Variants in FAT3 observed in about 807,000 individuals in gnomAD.
FAT3 encodes protocadherin Fat 3.
FAT3 carries 95 observed loss-of-function variants against 310.2 expected under a neutral mutation model. The observed-to-expected ratio is 0.31, with a 90% CI of 0.26 to 0.36. FAT3 has a LOEUF of 0.36. Ranked by LOEUF, FAT3 falls within the 10% of genes least tolerant of loss-of-function variation. FAT3 has a pLI of 1.00. For missense variants in FAT3, 5,408 were observed against 5,715.6 expected (o/e 0.95, Z 1.74); for synonymous variants, 2,314 against 2,192.9 (o/e 1.06, Z -1.54).
intron 3 of FAT3, among the ~76,000 whole-genome samples, chr11:92,656,985 G>C (rs965308194): frequency 6.6e-6 from 1 of 152,146 alleles, no homozygotes; most frequent in Non-Finnish European, 1.5e-5. Context: ...GGGGTAAGGT[G>C]GGGTGGGGAG....
intron 3 of FAT3, among the ~76,000 whole-genome samples, chr11:92,638,449 C>G (rs936295240): frequency 6.6e-6 from 1 of 152,138 alleles, no homozygotes; most frequent in Non-Finnish European, 1.5e-5. Flanking sequence ...CTCTCTTATT[C>G]TTTATTTACC....
chr11:92,788,359 T>C (rs533763114), intron 7 of FAT3, among the ~76,000 whole-genome samples: 2 of 152,224 alleles, frequency 1.3e-5, no homozygotes, highest in Non-Finnish European at 1.5e-5. Context: ...GAGTACCTCA[T>C]TGGTCACTTT....
intron 1 of FAT3, among the ~76,000 whole-genome samples, chr11:92,266,452 A>G (rs933106445): frequency 5.3e-5 from 8 of 152,196 alleles, no homozygotes; most frequent in Non-Finnish European, 1.0e-4. Context: ...GCCTCAGTTG[A>G]TAGGTACTTT....
intron 3 of FAT3, among the ~76,000 whole-genome samples, chr11:92,625,562 C>T (rs1941292061): frequency 6.6e-6 from 1 of 152,124 alleles, no homozygotes. Context: ...ACCGATGGCC[C>T]AGAGAGCAAA....
intron 3 of FAT3, among the ~76,000 whole-genome samples, chr11:92,623,085 C>T (rs1195202764): frequency 6.6e-6 from 1 of 150,630 alleles, no homozygotes; most frequent in East Asian, 1.9e-4. Context: ...AAATCCTTGG[C>T]GTTCATCTCT....
chr11:92,626,483 T>A (rs1792340), intron 3 of FAT3, among the ~76,000 whole-genome samples: 2 of 151,898 alleles, frequency 1.3e-5, no homozygotes, highest in Non-Finnish European at 2.9e-5. Flanking sequence ...TTTTTTTTTT[T>A]TCCCTTCAAA....
At chr11:92,608,525 C>A (rs565000646) in intron 3 of FAT3, among the ~76,000 whole-genome samples, 1 of 151,934 alleles carries the variant, frequency 6.6e-6, no homozygotes, top group Non-Finnish European at 1.5e-5. Flanking sequence ...GTTTCTTCTT[C>A]TTGCATCATG....
chr11:92,711,007 T>C (rs913395302), intron 4 of FAT3, among the ~76,000 whole-genome samples: 1 of 152,210 alleles, frequency 6.6e-6, no homozygotes, highest in East Asian at 1.9e-4. Flanking sequence ...ACTATGATCA[T>C]ATATGATACA....
intron 3 of FAT3, among the ~76,000 whole-genome samples, chr11:92,650,369 C>T (rs1942330985): frequency 6.6e-6 from 1 of 152,166 alleles, no homozygotes; most frequent in African/African-American, 2.4e-5. Flanking sequence ...TATTCACAGC[C>T]TCGCTACATA....
chr11:92,306,924 G>A (rs1296315669), intron 1 of FAT3, among the ~76,000 whole-genome samples: 7 of 149,494 alleles, frequency 4.7e-5, no homozygotes, highest in Admixed American at 4.1e-4. Flanking sequence ...CTGAGTAGCT[G>A]GGACTACAGA....
At chr11:92,447,046 T>G (rs1056130184) in intron 2 of FAT3, among the ~76,000 whole-genome samples, 1 of 152,294 alleles carries the variant, frequency 6.6e-6, no homozygotes, top group Middle Eastern at 3.4e-3. Context: ...TCTGCAGGAG[T>G]TCACATACTA....
rs781089449 is a variant in FAT3 at position 92,801,913 on chromosome 11, A to C, written c.8896+4A>C. The C allele has an allele frequency of 6.2e-7, 1 of 1,610,086 alleles. No homozygotes were observed. Among genetic ancestry groups the C allele is most frequent in the South Asian group, 1.1e-5 (1 of 90,788 alleles). On this transcript the variant is annotated splice_donor_region_variant and intron_variant, in intron 10 of 27. Coordinates refer to ENST00000525166, the MANE Select transcript of FAT3 (RefSeq NM_001367949.2). ...CAAGTGAGCTACCATATTACAGGTG[A>C]GTAAATACCCCCAGTTTTCATTATG...
chr11:92,584,636 A>G (rs1388513945), intron 3 of FAT3, among the ~76,000 whole-genome samples: 1 of 270 alleles, frequency 3.7e-3, no homozygotes, highest in Non-Finnish European at 0.015. Context: ...AGGTTGAAAC[A>G]CAGGTCTTCA....
chr11:92,308,081 C>A (rs1434057831), intron 1 of FAT3, among the ~76,000 whole-genome samples: 2 of 151,922 alleles, frequency 1.3e-5, no homozygotes, highest in African/African-American at 4.8e-5. Context: ...ATTAGTAGTA[C>A]AATATAAGAA....
chr11:92,314,937 G>GGTGT (rs1947397627), intron 1 of FAT3, among the ~76,000 whole-genome samples: 1 of 151,986 alleles, frequency 6.6e-6, no homozygotes, highest in South Asian at 2.1e-4. Context: ...TGGCTGCTTG[G>GGTGT]GTGTGTAGCA....
rs180847655 is a variant in FAT3 at position 92,776,571 on chromosome 11, A to G, written c.4335+2391A>G. Among the ~76,000 whole-genome samples the G allele has an allele frequency of 2.1e-3, 318 of 152,172 alleles. 1 individual carries two copies. The highest frequency in any genetic ancestry group is 7.4e-3 in the African/African-American group (308 of 41,522). On this transcript the variant is annotated intron_variant, in intron 7 of 27. Transcript: ENST00000525166. ...TTAATATGGAAACATGTATTACAAG[A>G]CTTTGAATGTACACACTCTTTGAGT...
At chr11:92,749,344 A>T (rs941444436) in intron 4 of FAT3, among the ~76,000 whole-genome samples, 1 of 152,112 alleles carries the variant, frequency 6.6e-6, no homozygotes, top group African/African-American at 2.4e-5. Context: ...ATAGATGACA[A>T]TTTATGAATG....
rs777747370 is a variant in FAT3 at position 92,797,909 on chromosome 11, G to A, written c.4896G>A (p.Thr1632=). 1.7e-5 allele frequency: 28 copies of A among 1,613,776 alleles called. 1 individual carries two copies. The highest frequency in any genetic ancestry group is 6.7e-5 in the East Asian group (3 of 44,874). The change falls in exon 10 of 28, where the codon ACG becomes ACA. Residue 1632 remains threonine (T), a synonymous_variant. Coordinates refer to ENST00000525166, the MANE Select transcript of FAT3 (RefSeq NM_001367949.2). ...CCATTTGCAAAGAACCAGACATGAC[G>A]ACGATGGGTCAGTTTGTCCTATCCA... ...IITICKEPDM[T]TMGQFVLSIK...
intron 4 of FAT3, among the ~76,000 whole-genome samples, chr11:92,750,312 G>T (rs1945794717): frequency 6.6e-6 from 1 of 152,166 alleles, no homozygotes; most frequent in Non-Finnish European, 1.5e-5. Flanking sequence ...GAAGGAAGGT[G>T]CAGAGTACTA....
Sources: gnomAD v4.1 joint callset for allele counts (sites outside exome capture counted in the v4.1 genomes callset) on GRCh38, gnomAD v4.1.1 for gene constraint, MANE v1.5 for transcripts, NCBI Gene and HGNC (gene_info 2026-07-23, HGNC 2026-07-21) for gene names.